FAM222B: variants seen among roughly 807,000 people sequenced by gnomAD.
The protein encoded by FAM222B is family with sequence similarity 222 member B, also known as protein FAM222B.
In FAM222B, 12 loss-of-function variants were observed where a neutral mutation model predicts 38.0. The observed-to-expected ratio is 0.32, with a 90% CI of 0.20 to 0.51. FAM222B has a LOEUF of 0.51. Among genes scored for constraint, FAM222B ranks in the 20% least tolerant of loss-of-function variants. The pLI is 0.97. For synonymous variants in FAM222B, 329 were observed against 317.2 expected (o/e 1.04, Z -0.40); for missense variants, 716 against 754.2 (o/e 0.95, Z 0.59).
intron 1 of FAM222B, among the ~76,000 whole-genome samples, chr17:28,808,912 C>T (rs1285107335): frequency 6.6e-6 from 1 of 152,182 alleles, no homozygotes; most frequent in Non-Finnish European, 1.5e-5. Context: ...GAGAATCAAG[C>T]AATGCCAAGG....
intron 1 of FAM222B, among the ~76,000 whole-genome samples, chr17:28,820,120 T>C (rs1359894869): frequency 1.3e-5 from 2 of 152,186 alleles, no homozygotes; most frequent in African/African-American, 4.8e-5. Flanking sequence ...AAACAATATA[T>C]ACGATCCCAG....
intron 1 of FAM222B, among the ~76,000 whole-genome samples, chr17:28,821,221 G>A (rs971427223): frequency 3.1e-4 from 47 of 151,908 alleles, no homozygotes; most frequent in Admixed American, 2.8e-3. Flanking sequence ...CCCAAAGTGC[G>A]GGATTACAGG....
chr17:28,778,725 T>A (rs1265124982), intron 1 of FAM222B, among the ~76,000 whole-genome samples: 61 of 102,274 alleles, frequency 6.0e-4, no homozygotes, highest in South Asian at 1.3e-3. Flanking sequence ...ATATATTTTT[T>A]TTTTTTTTTT....
chr17:28,831,283 C>T (rs1264812984), intron 1 of FAM222B, among the ~76,000 whole-genome samples: 7 of 151,988 alleles, frequency 4.6e-5, no homozygotes, highest in African/African-American at 1.2e-4. Context: ...CATAAGCCAC[C>T]GTGCCCGGCC....
At chr17:28,846,528 G>A (rs1333558816), upstream of FAM222B, among the ~76,000 whole-genome samples, 2 of 151,910 alleles carry the variant, frequency 1.3e-5, no homozygotes, top group African/African-American at 4.8e-5. Flanking sequence ...AATTAGCCGG[G>A]TGTGGTGGCC....
At chr17:28,795,213 T>C (rs150719197) in intron 1 of FAM222B, among the ~76,000 whole-genome samples, 28 of 152,282 alleles carry the variant, frequency 1.8e-4, no homozygotes, top group African/African-American at 6.5e-4. Flanking sequence ...AGTACAGTGA[T>C]GGGATCTCAT....
At chr17:28,779,283 C>T (rs1413093773) in intron 1 of FAM222B, among the ~76,000 whole-genome samples, 1 of 152,092 alleles carries the variant, frequency 6.6e-6, no homozygotes. Context: ...AAATCCTCAA[C>T]AAAATACTAA....
intron 1 of FAM222B, among the ~76,000 whole-genome samples, chr17:28,805,626 G>A (rs1393934983): frequency 6.6e-6 from 1 of 151,646 alleles, no homozygotes; most frequent in African/African-American, 2.4e-5. Flanking sequence ...ATTCGAACCT[G>A]GATGACACAG....
At chr17:28,838,983 T>C (rs994053813) in intron 1 of FAM222B, among the ~76,000 whole-genome samples, 2 of 151,918 alleles carry the variant, frequency 1.3e-5, no homozygotes, top group Non-Finnish European at 2.9e-5. Flanking sequence ...GTCGGGCAGA[T>C]CACAAGGTCA....
intron 1 of FAM222B, among the ~76,000 whole-genome samples, chr17:28,807,131 T>A (rs1296820416): frequency 6.6e-6 from 1 of 152,004 alleles, no homozygotes; most frequent in East Asian, 1.9e-4. Context: ...TTCTCCTGCC[T>A]GGGCTTCCCA....
chr17:28,797,847 G>C (rs887300972), intron 1 of FAM222B, among the ~76,000 whole-genome samples: 3 of 151,978 alleles, frequency 2.0e-5, no homozygotes, highest in Non-Finnish European at 2.9e-5. Context: ...AGGACTGCTT[G>C]AGCCCAAGAG....
At position 28,759,763 on chromosome 17, in the gene FAM222B, C is replaced by A; in HGVS notation, c.196G>T (p.Val66Leu). 4.3e-6 allele frequency: 7 copies of A among 1,613,612 alleles called. No homozygotes were observed. Among genetic ancestry groups the A allele is most frequent in the Non-Finnish European group, 5.9e-6 (7 of 1,179,730 alleles). ...ACGTGTTTCCGCTGGGGAACCTTCA[C>A]ACTGTTGGGGAAGATTTTTATAGTC... The part of the protein sequence containing the change: ...PLTIKIFPNS[V>L]KVPQRKHVRR... The change falls in exon 3 of 3, where the codon GTG (valine) becomes TTG (leucine). Residue 66 changes from valine to leucine, a missense_variant. By Grantham distance (32) the Val-to-Leu change is conservative. Coordinates refer to ENST00000581407, the MANE Select transcript of FAM222B (RefSeq NM_001077498.3). This position sits in a 1 kb window ranked among gnomAD's most constrained non-coding sequence, Gnocchi z 4.8.
At chr17:28,772,635 GT>G (rs2035691970) in intron 1 of FAM222B, among the ~76,000 whole-genome samples, 1 of 151,770 alleles carries the variant, frequency 6.6e-6, no homozygotes, top group Non-Finnish European at 1.5e-5. Context: ...GGTGGCTCAT[GT>G]CTATAATCCC....
intron 1 of FAM222B, among the ~76,000 whole-genome samples, chr17:28,773,416 T>C (rs1278526333): frequency 1.4e-5 from 2 of 138,206 alleles, no homozygotes; most frequent in African/African-American, 5.5e-5. Flanking sequence ...GAGGTGGAGG[T>C]TGCAATGAGC....
At chr17:28,767,226 G>C (rs2035375183) in intron 1 of FAM222B, 1 of 152,764 alleles carries the variant, frequency 6.5e-6, no homozygotes, top group African/African-American at 2.4e-5. Flanking sequence ...TGCGATCTTG[G>C]CTCACTGCAA....
chr17:28,839,811 T>C (rs988294553), intron 1 of FAM222B, among the ~76,000 whole-genome samples: 1 of 152,084 alleles, frequency 6.6e-6, no homozygotes, highest in Non-Finnish European at 1.5e-5. Flanking sequence ...TATACATCAC[T>C]GTGCATTTCC....
At chr17:28,825,033 G>A (rs1441554174) in intron 1 of FAM222B, among the ~76,000 whole-genome samples, 1 of 152,044 alleles carries the variant, frequency 6.6e-6, no homozygotes, top group African/African-American at 2.4e-5. Flanking sequence ...CAAAGTGCTG[G>A]GATTACAGGC....
intron 1 of FAM222B, among the ~76,000 whole-genome samples, chr17:28,775,363 A>C (rs1289106940): frequency 2.6e-5 from 4 of 151,612 alleles, no homozygotes; most frequent in African/African-American, 9.7e-5. Context: ...GGATAAAGTG[A>C]TCTCTAGAGA....
intron 1 of FAM222B, among the ~76,000 whole-genome samples, chr17:28,829,202 C>G (rs1227661372): frequency 7.3e-6 from 1 of 137,536 alleles, no homozygotes; most frequent in African/African-American, 2.8e-5. Flanking sequence ...TCACGCTTGG[C>G]CACCCTCTCT....
Sources: allele counts gnomAD v4.1 joint callset (sites outside exome capture counted in the v4.1 genomes callset), GRCh38; gene constraint gnomAD v4.1.1; non-coding constraint Gnocchi (gnomAD v3.1); transcripts MANE v1.5; gene names NCBI Gene and HGNC (gene_info 2026-07-23, HGNC 2026-07-21).